Variants in PATJ observed in about 807,000 individuals in gnomAD.
PATJ encodes the protein inaD-like protein.
A neutral mutation model predicts 224.9 loss-of-function variants in PATJ; 190 were observed. That is an observed-to-expected ratio of 0.84 (90% CI 0.75 to 0.95). PATJ has a LOEUF of 0.95. PATJ is among the 40% of genes least tolerant of loss of function. The probability of loss-of-function intolerance (pLI) is 0.00; values close to 1 mark genes in which losing one functional copy is unlikely to be tolerated. For synonymous variants in PATJ, 769 were observed against 820.3 expected (o/e 0.94, Z 1.07); for missense variants, 2,121 against 2,270.3 (o/e 0.93, Z 1.34).
intron 26 of PATJ, among the ~76,000 whole-genome samples, chr1:61,921,450 T>A (rs1674325314): frequency 6.6e-6 from 1 of 152,194 alleles, no homozygotes; most frequent in Non-Finnish European, 1.5e-5. Flanking sequence ...TTAATAAGCA[T>A]AGGTAATATA....
Position 61,884,319 on chromosome 1 carries a change from G to C in PATJ, c.3042G>C (p.Leu1014Phe). The C allele has an allele frequency of 6.2e-7, 1 of 1,613,682 alleles. No individual in the cohort carries two copies. Among genetic ancestry groups the C allele is most frequent in the Non-Finnish European group, 8.5e-7 (1 of 1,179,902 alleles). Residue 1014 changes from leucine to phenylalanine, a missense_variant, in exon 22 of 44, where the codon TTG (leucine) becomes TTC (phenylalanine). Leu to Phe is a conservative substitution (Grantham distance 22, BLOSUM62 0). Transcript: ENST00000642238. The part of the protein sequence containing the change: ...VVAQRREQED[L>F]PLYQHQATRV... Reference sequence around the variant, plus strand: ...CTCAAAGGAGGGAGCAAGAAGATTTGCCTTTATATCAACACCAAGCGACAC... The same window carrying C: ...CTCAAAGGAGGGAGCAAGAAGATTTCCCTTTATATCAACACCAAGCGACAC...
At chr1:61,908,539 C>A in intron 25 of PATJ, 57 bp downstream of exon 25, 1 of 1,017,708 alleles carries the variant, frequency 9.8e-7, no homozygotes, top group Non-Finnish European at 1.5e-6. Context: ...ACCTGCAGAC[C>A]AAGCTTTGGC....
chr1:61,974,896 C>T (rs1220862593), intron 27 of PATJ, among the ~76,000 whole-genome samples: 2 of 151,938 alleles, frequency 1.3e-5, no homozygotes, highest in African/African-American at 4.8e-5. Flanking sequence ...TAGTTTCCTT[C>T]CATCTCCAAA....
chr1:61,780,536 A>T (rs149207966), intron 7 of PATJ, among the ~76,000 whole-genome samples: 2 of 152,226 alleles, frequency 1.3e-5, no homozygotes, highest in Non-Finnish European at 2.9e-5. Context: ...TTCTTAAAAA[A>T]AATTTTTATA....
intron 41 of PATJ, among the ~76,000 whole-genome samples, chr1:62,133,006 G>A (rs1433075530): frequency 6.6e-6 from 1 of 152,084 alleles, no homozygotes; most frequent in Non-Finnish European, 1.5e-5. Flanking sequence ...GGATTGAGTA[G>A]ATTTTTAAAA....
intron 30 of PATJ, chr1:62,039,117 C>T (rs1650993487): frequency 1.5e-6 from 1 of 672,064 alleles, no homozygotes; most frequent in Non-Finnish European, 2.8e-6. Flanking sequence ...CTTGATGGCT[C>T]GTATCTGTTC....
intron 16 of PATJ, among the ~76,000 whole-genome samples, chr1:61,830,380 A>G (rs1049433448): frequency 1.9e-4 from 29 of 152,234 alleles, no homozygotes; most frequent in African/African-American, 6.8e-4. Flanking sequence ...ATAGAAAAAC[A>G]TTCCATGCTC....
intron 30 of PATJ, among the ~76,000 whole-genome samples, chr1:62,047,251 A>T (rs1327299610): frequency 6.6e-6 from 1 of 152,122 alleles, no homozygotes; most frequent in Non-Finnish European, 1.5e-5. Context: ...TGCAGCTACA[A>T]ACATTAGCTA....
chr1:61,908,327 T>C, intron 24 of PATJ, 45 bp from the exon 25 acceptor site: 1 of 1,264,990 alleles, frequency 7.9e-7, no homozygotes, highest in Non-Finnish European at 1.2e-6. Flanking sequence ...CTGTCCACAA[T>C]ATCTAGTGCT....
intron 22 of PATJ, among the ~76,000 whole-genome samples, chr1:61,895,376 C>A (rs1045234023): frequency 1.3e-5 from 2 of 152,224 alleles, no homozygotes; most frequent in Non-Finnish European, 2.9e-5. Flanking sequence ...GTCCCAGAGG[C>A]CTAGGAGTGA....
chr1:62,054,426 A>C (rs1419287570), intron 31 of PATJ: 2 of 332,514 alleles, frequency 6.0e-6, no homozygotes, highest in African/African-American at 4.2e-5. Flanking sequence ...CTCCAGTGCT[A>C]TTTTCAGTAT....
rs1346189032 is a variant in PATJ at position 61,797,424 on chromosome 1, C to G, written c.1398C>G (p.Asp466Glu). 6.2e-7 allele frequency: 1 copy of G among 1,610,300 alleles called. No homozygotes were observed. Reference protein sequence around the residue: ...SSTSPLEPPSDRGTVVEPLKP... With the variant: ...SSTSPLEPPSERGTVVEPLKP... The stretch of plus-strand genomic sequence containing the variant: ...CTTCTCCACTTGAACCACCTTCAGA[C>G]AGAGGTGATTAATTTGCCACCCCTC... Residue 466 changes from aspartate to glutamate, a missense_variant, in exon 11 of 44, where the codon GAC becomes GAG. Physicochemically the swap from Asp to Glu is conservative, Grantham distance 45 (BLOSUM62 2). Coordinates refer to ENST00000642238, the MANE Select transcript of PATJ (RefSeq NM_001350145.3).
chr1:62,060,652 T>G (rs1655272441), intron 31 of PATJ, among the ~76,000 whole-genome samples: 1 of 152,078 alleles, frequency 6.6e-6, no homozygotes, highest in African/African-American at 2.4e-5. Context: ...GAGGATCGTA[T>G]TAGATAATGT....
intron 16 of PATJ, among the ~76,000 whole-genome samples, chr1:61,831,122 A>T (rs929927419): frequency 6.8e-6 from 1 of 146,242 alleles, no homozygotes; most frequent in Non-Finnish European, 1.5e-5. Flanking sequence ...CGAGAGGTGG[A>T]GGTTGCAGTG....
intron 26 of PATJ, among the ~76,000 whole-genome samples, chr1:61,915,986 C>T (rs989612630): frequency 6.6e-5 from 10 of 152,224 alleles, no homozygotes; most frequent in Middle Eastern, 3.4e-3. Flanking sequence ...TGAGCTGCTG[C>T]GCCTGGCCTA....
intron 17 of PATJ, among the ~76,000 whole-genome samples, chr1:61,854,825 C>T (rs1663391854): frequency 6.6e-6 from 1 of 152,170 alleles, no homozygotes; most frequent in Non-Finnish European, 1.5e-5. Flanking sequence ...AATTGGTTTT[C>T]ATTAACCAGA....
chr1:62,022,754 C>T (rs1000642701), intron 29 of PATJ, among the ~76,000 whole-genome samples: 11 of 152,176 alleles, frequency 7.2e-5, no homozygotes, highest in Admixed American at 5.9e-4. Flanking sequence ...CGAGATGAAA[C>T]TGAAATCCTT....
rs1415261745 is a variant in PATJ, at chr1:62,079,310, C to G, written c.4126-140C>G. On this transcript the variant is annotated intron_variant, in intron 31 of 43. Coordinates refer to ENST00000642238, the MANE Select transcript of PATJ (RefSeq NM_001350145.3). ...AACGAGGCATAAATCATCCTAACTTCTTGCCACCCTCCAACCTTATATTCT... is the reference window on the plus strand; with the variant it reads ...AACGAGGCATAAATCATCCTAACTTGTTGCCACCCTCCAACCTTATATTCT... 9.9e-6 allele frequency: 6 copies of G among 604,618 alleles called. No individual in the cohort carries two copies. The East Asian group carries it at 1.7e-4, about 17-fold the overall frequency. 37.5% of individuals were successfully genotyped at this position (604,618 alleles called of 1,614,324 possible).
At position 61,772,583 on chromosome 1, in the gene PATJ, A is replaced by G. The variant is rs191543715; in HGVS notation, c.720+957A>G. Among the ~76,000 whole-genome samples the G allele has an allele frequency of 1.1e-3, 165 of 152,358 alleles. 1 individual carries two copies. The highest frequency in any genetic ancestry group is 3.8e-3 in the African/African-American group (160 of 41,592). ...TCATTGGGACAAAAGAAAAAATAAG[A>G]CTGTCTCAGTACAATACAAGGTCAC... On this transcript the variant is annotated intron_variant, in intron 6 of 43. Transcript: ENST00000642238.
Sources: allele counts gnomAD v4.1 joint callset (sites outside exome capture counted in the v4.1 genomes callset), GRCh38; gene constraint gnomAD v4.1.1; transcripts MANE v1.5; gene names NCBI Gene and HGNC (gene_info 2026-07-23, HGNC 2026-07-21).